The following SCAPER variants were observed in gnomAD, a reference collection of about 807,000 sequenced individuals.
SCAPER encodes the protein S-phase cyclin A associated protein in the ER, also known as S phase cyclin A-associated protein in the endoplasmic reticulum.
A neutral mutation model predicts 182.2 loss-of-function variants in SCAPER; 98 were observed. The observed-to-expected ratio is 0.54, with a 90% CI of 0.46 to 0.64. The LOEUF (loss-of-function observed/expected upper bound fraction) is 0.64. SCAPER is among the 30% of genes least tolerant of loss of function. The pLI is 0.00. For synonymous variants in SCAPER, 605 were observed against 564.6 expected, an observed-to-expected ratio of 1.07 and a Z score of -1.01; for missense variants, 1,432 against 1,690.0, an observed-to-expected ratio of 0.85 and a Z score of 2.68.
Position 76,510,325 on chromosome 15 carries a change from C to T in SCAPER, c.2839-5351G>A, listed in dbSNP as rs1378774615. 4.6e-5 allele frequency among the ~76,000 whole-genome samples: 7 copies of T among 152,120 alleles called. No homozygotes were observed. In the East Asian group the frequency reaches 1.3e-3, roughly 29 times the overall value. On this transcript the variant is annotated intron_variant, in intron 23 of 31. Transcript: ENST00000563290. Reference sequence around the variant, plus strand: ...TGGGAGAAAATCTTCACAATCTATACATCCAACAAAGGACTAATATCTAGA... The same window carrying T: ...TGGGAGAAAATCTTCACAATCTATATATCCAACAAAGGACTAATATCTAGA...
chr15:76,416,708 A>G (rs1293564760), intron 26 of SCAPER, among the ~76,000 whole-genome samples: 8 of 152,200 alleles, frequency 5.3e-5, no homozygotes. Flanking sequence ...AATCAATTGT[A>G]TGAAAATAGA....
intron 29 of SCAPER, among the ~76,000 whole-genome samples, chr15:76,374,557 A>C (rs900580146): frequency 2.0e-5 from 3 of 148,202 alleles, no homozygotes; most frequent in Non-Finnish European, 4.5e-5. Context: ...ATCTCGGCTC[A>C]TCGCAACCTC....
chr15:76,440,438 T>G (rs1279895532), intron 25 of SCAPER, among the ~76,000 whole-genome samples: 2 of 152,248 alleles, frequency 1.3e-5, no homozygotes, highest in Non-Finnish European at 2.9e-5. Flanking sequence ...TTCTGTAATG[T>G]GATTCCATGA....
At chr15:76,772,025 G>T in intron 9 of SCAPER, 71 bp from the exon 10 acceptor site, 3 of 1,202,958 alleles carry the variant, frequency 2.5e-6, no homozygotes, top group Non-Finnish European at 3.5e-6. Context: ...AAGAAGAGAT[G>T]ATTTTGCTTA....
intron 17 of SCAPER, among the ~76,000 whole-genome samples, chr15:76,714,107 T>C (rs78955901): frequency 2.0e-5 from 3 of 151,878 alleles, no homozygotes; most frequent in Admixed American, 6.6e-5. Context: ...CTCAAAAAAA[T>C]AGTGCAGAGT....
intron 22 of SCAPER, among the ~76,000 whole-genome samples, chr15:76,609,700 T>C (rs1245180271): frequency 6.6e-6 from 1 of 152,208 alleles, no homozygotes; most frequent in Non-Finnish European, 1.5e-5. Context: ...GTATATCCTG[T>C]CAGATTTTTG....
At chr15:76,696,572 T>C (rs2058666014) in intron 20 of SCAPER, among the ~76,000 whole-genome samples, 1 of 151,748 alleles carries the variant, frequency 6.6e-6, no homozygotes, top group Admixed American at 6.6e-5. Context: ...CATAGAAATA[T>C]ATTGATTTAA....
intron 22 of SCAPER, chr15:76,586,779 C>A (rs1229504761): frequency 6.6e-6 from 1 of 151,268 alleles, no homozygotes; most frequent in East Asian, 1.9e-4. Flanking sequence ...TTTTTATGTT[C>A]TTTCCTGGTT....
At chr15:76,375,471 T>C (rs1045981121) in intron 29 of SCAPER, among the ~76,000 whole-genome samples, 1 of 151,826 alleles carries the variant, frequency 6.6e-6, no homozygotes, top group East Asian at 1.9e-4. Flanking sequence ...TAATACTATA[T>C]GAAAAGTGAC....
At chr15:76,389,607 A>T (rs1022155192) in intron 27 of SCAPER, among the ~76,000 whole-genome samples, 2 of 150,658 alleles carry the variant, frequency 1.3e-5, no homozygotes, top group Admixed American at 6.6e-5. Context: ...AGGTCAGGTG[A>T]TCGAGACCAT....
chr15:76,582,889 G>A (rs1414050722), intron 22 of SCAPER, among the ~76,000 whole-genome samples: 1 of 152,124 alleles, frequency 6.6e-6, no homozygotes, highest in Non-Finnish European at 1.5e-5. Context: ...AAATGGTGCC[G>A]AGAGAACTGG....
rs143559987 is a variant in SCAPER, at chr15:76,659,521, C to T, written c.2645+6132G>A. Among the ~76,000 whole-genome samples, 318 of 152,336 alleles carry T rather than the reference C, an allele frequency of 2.1e-3. 2 individuals are homozygous for T. The highest frequency in any genetic ancestry group is 7.3e-3 in the African/African-American group (303 of 41,582). On this transcript the variant is annotated intron_variant, in intron 21 of 31. Coordinates refer to ENST00000563290, the MANE Select transcript of SCAPER (RefSeq NM_020843.4). ...CTGGCCTAAAACAATCCTCCTGCCA[C>T]AGCCTCCCAAAGTGTTGGGATTGTA... is the stretch of plus-strand genomic sequence containing the variant.
intron 21 of SCAPER, among the ~76,000 whole-genome samples, chr15:76,647,959 G>A (rs1313709821): frequency 6.6e-6 from 1 of 152,006 alleles, no homozygotes. Context: ...TTTAAAAAAT[G>A]CATTACAGAA....
At chr15:76,446,709 A>G (rs1468539890) in intron 25 of SCAPER, among the ~76,000 whole-genome samples, 1 of 152,200 alleles carries the variant, frequency 6.6e-6, no homozygotes, top group African/African-American at 2.4e-5. Context: ...AGAGGCAGTT[A>G]TGTGCATATC....
chr15:76,663,145 G>A (rs936490887), intron 21 of SCAPER, among the ~76,000 whole-genome samples: 9 of 151,874 alleles, frequency 5.9e-5, no homozygotes, highest in Admixed American at 1.3e-4. Flanking sequence ...CTTCATAAAG[G>A]AAAATACTGA....
chr15:76,653,679 C>G (rs903522779), intron 21 of SCAPER, among the ~76,000 whole-genome samples: 1 of 152,136 alleles, frequency 6.6e-6, no homozygotes, highest in South Asian at 2.1e-4. Flanking sequence ...AAGCTGGACC[C>G]CTACTTTTCA....
intron 22 of SCAPER, among the ~76,000 whole-genome samples, chr15:76,621,561 G>A (rs1229439333): frequency 6.6e-6 from 1 of 152,160 alleles, no homozygotes; most frequent in Non-Finnish European, 1.5e-5. Flanking sequence ...GCAGCCCCAA[G>A]TTGTGCTCAC....
chr15:76,570,042 A>G (rs1162681018), intron 23 of SCAPER, among the ~76,000 whole-genome samples: 1 of 152,048 alleles, frequency 6.6e-6, no homozygotes, highest in Non-Finnish European at 1.5e-5. Flanking sequence ...TTTTGTTGAG[A>G]TAATTTGAGA....
intron 29 of SCAPER, among the ~76,000 whole-genome samples, chr15:76,371,316 TCTC>T (rs201075648): frequency 0.015 from 2,240 of 149,848 alleles, 29 homozygotes; most frequent in Middle Eastern, 0.028. Flanking sequence ...TTTCTCTCTC[TCTC>T]TTTTTTTTTT....
Sources: gnomAD v4.1 joint callset for allele counts (sites outside exome capture counted in the v4.1 genomes callset) on GRCh38, gnomAD v4.1.1 for gene constraint, MANE v1.5 for transcripts, NCBI Gene and HGNC (gene_info 2026-07-23, HGNC 2026-07-21) for gene names.